SPATA6: variants seen among roughly 807,000 people sequenced by gnomAD.
SPATA6 encodes spermatogenesis associated 6.
In SPATA6, 56 loss-of-function variants were observed where a neutral mutation model predicts 65.3. The observed-to-expected ratio is 0.86, with a 90% confidence interval of 0.69 to 1.07. The LOEUF (loss-of-function observed/expected upper bound fraction) is 1.07, where lower values mean the gene tolerates loss of function less well. Ranked by LOEUF, SPATA6 falls within the 50% of genes least tolerant of loss-of-function variation. SPATA6 has a pLI of 0.00. For missense variants in SPATA6, 590 were observed against 594.8 expected, an observed-to-expected ratio of 0.99 and a Z score of 0.08; for synonymous variants, 199 against 213.2, an observed-to-expected ratio of 0.93 and a Z score of 0.58.
Position 48,354,023 on chromosome 1 carries a change from C to T in SPATA6, c.1194+1647G>A, listed in dbSNP as rs370404814. Among the ~76,000 whole-genome samples, 5 of 151,892 alleles carry T rather than the reference C, an allele frequency of 3.3e-5. 1 individual carries two copies. Among genetic ancestry groups the T allele is most frequent in the African/African-American group, 1.2e-4 (5 of 41,462 alleles). ...TGAAGAATCTACAAAGAAATCTTAC[C>T]TAAAAATGAAAGATAGACAATCCAG... On this transcript the variant is annotated intron_variant, in intron 11 of 12. Coordinates refer to ENST00000371847, the MANE Select transcript of SPATA6 (RefSeq NM_019073.4).
At chr1:48,359,523 G>A in intron 10 of SPATA6, 63 bp downstream of exon 10, 1 of 1,508,906 alleles carries the variant, frequency 6.6e-7, no homozygotes, top group Non-Finnish European at 9.0e-7. Context: ...CATAATTGCT[G>A]CTTCCCCTTC....
At chr1:48,408,690 G>A (rs1295909033) in intron 5 of SPATA6, among the ~76,000 whole-genome samples, 1 of 152,180 alleles carries the variant, frequency 6.6e-6, no homozygotes, top group Non-Finnish European at 1.5e-5. Context: ...GAGGTTTACT[G>A]GACTTACACT....
intron 5 of SPATA6, among the ~76,000 whole-genome samples, chr1:48,409,348 G>A (rs575899687): frequency 6.6e-6 from 1 of 152,218 alleles, no homozygotes; most frequent in Non-Finnish European, 1.5e-5. Context: ...CCATGGTCTT[G>A]GGCAGCTCCG....
chr1:48,268,948 C>A, the SPATA6 span, among the ~76,000 whole-genome samples: 1 of 152,090 alleles, frequency 6.6e-6, no homozygotes, highest in East Asian at 1.9e-4. Context: ...TTCATAGTAA[C>A]CATCCTAGGT....
chr1:48,293,560 G>A (rs1458772451), downstream of SPATA6, among the ~76,000 whole-genome samples: 1 of 152,048 alleles, frequency 6.6e-6, no homozygotes, highest in East Asian at 1.9e-4. Context: ...TATCTTATAT[G>A]TTTTTCCCCT....
At chr1:48,283,455 C>T in the SPATA6 span, among the ~76,000 whole-genome samples, 3 of 151,042 alleles carry the variant, frequency 2.0e-5, no homozygotes, top group Admixed American at 2.0e-4. Flanking sequence ...CCAAGGCAGG[C>T]AGATCATGAG....
chr1:48,372,537 A>G (rs1325232591), intron 9 of SPATA6, among the ~76,000 whole-genome samples: 1 of 152,170 alleles, frequency 6.6e-6, no homozygotes, highest in Non-Finnish European at 1.5e-5. Context: ...TTGCAGGCGC[A>G]TGGTGCAAGC....
At chr1:48,318,122 G>C (rs1645493428) in intron 11 of SPATA6, among the ~76,000 whole-genome samples, 1 of 152,168 alleles carries the variant, frequency 6.6e-6, no homozygotes, top group Admixed American at 6.6e-5. Flanking sequence ...ACTAGGAGTA[G>C]AAGGAAATTC....
chr1:48,385,765 A>T (rs1431712397), intron 8 of SPATA6, among the ~76,000 whole-genome samples: 1 of 152,190 alleles, frequency 6.6e-6, no homozygotes, highest in East Asian at 1.9e-4. Flanking sequence ...GTAAAGAAAC[A>T]GGACCAGCTT....
intron 3 of SPATA6, among the ~76,000 whole-genome samples, chr1:48,425,655 T>C (rs1653770030): frequency 6.6e-6 from 1 of 152,196 alleles, no homozygotes; most frequent in Admixed American, 6.5e-5. Context: ...AAGTTCCACA[T>C]GCCTACATGT....
At chr1:48,462,225 A>G (rs998098403) in intron 1 of SPATA6, among the ~76,000 whole-genome samples, 2 of 152,164 alleles carry the variant, frequency 1.3e-5, no homozygotes, top group Non-Finnish European at 2.9e-5. Context: ...GGATAGCATT[A>G]GGAGACATAC....
chr1:48,437,570 G>C (rs1047375444), intron 3 of SPATA6, among the ~76,000 whole-genome samples: 11 of 152,118 alleles, frequency 7.2e-5, no homozygotes, highest in African/African-American at 2.7e-4. Context: ...GCCCTCAGAG[G>C]ACAGTGCTTC....
intron 9 of SPATA6, among the ~76,000 whole-genome samples, chr1:48,360,531 G>A (rs1454347671): frequency 6.7e-6 from 1 of 148,768 alleles, no homozygotes; most frequent in East Asian, 2.0e-4. Context: ...AAAAATAAAT[G>A]CAAAGATCTT....
At chr1:48,455,889 C>T (rs1656965949) in intron 1 of SPATA6, among the ~76,000 whole-genome samples, 3 of 151,958 alleles carry the variant, frequency 2.0e-5, no homozygotes, top group Admixed American at 6.6e-5. Flanking sequence ...CTTAAAAAAA[C>T]ACCCAGCAGC....
downstream of SPATA6, among the ~76,000 whole-genome samples, chr1:48,291,899 CTTCT>C (rs531002018): frequency 2.9e-3 from 441 of 152,272 alleles, 1 homozygote; most frequent in African/African-American, 9.3e-3. Context: ...TCCCCCATTG[CTTCT>C]TTATGTTTAT....
intron 1 of SPATA6, among the ~76,000 whole-genome samples, chr1:48,470,291 C>G (rs1239925096): frequency 6.6e-6 from 1 of 152,090 alleles, no homozygotes; most frequent in African/African-American, 2.4e-5. Context: ...GGCAGCTGCG[C>G]TCACCAGACT....
At position 48,367,228 on chromosome 1, in the gene SPATA6, T is replaced by C. The variant is rs144372354; in HGVS notation, c.910-7458A>G. Among the ~76,000 whole-genome samples, 866 of 152,318 alleles carry C rather than the reference T, an allele frequency of 5.7e-3. 21 individuals are homozygous for C. In the East Asian group the frequency reaches 0.06, roughly 11 times the overall value. On this transcript the variant is annotated intron_variant, in intron 9 of 12. Coordinates refer to ENST00000371847, the MANE Select transcript of SPATA6 (RefSeq NM_019073.4). Reference sequence around the variant, plus strand: ...GCTTTACTTCCAACTATGTGGTCACTTTCGGAATAAGTGTGGTGTGGTGCT... The same window carrying C: ...GCTTTACTTCCAACTATGTGGTCACCTTCGGAATAAGTGTGGTGTGGTGCT...
rs1206365643 is a variant in SPATA6, at chr1:48,399,627, A to G, written c.504T>C (p.His168=). The change falls in exon 7 of 13, where the codon CAT becomes CAC. Residue 168 remains histidine, a synonymous_variant. Transcript: ENST00000371847. ...KCHTQDKFIY[H]LAPVEKSHGR... Reference sequence around the variant, plus strand: ...CATGTGATTTTTCAACTGGAGCCAAATGGTAAATAAATTTATCCTAAACAT... The same window carrying G: ...CATGTGATTTTTCAACTGGAGCCAAGTGGTAAATAAATTTATCCTAAACAT... The G allele has an allele frequency of 1.3e-6, 2 of 1,596,160 alleles. No individual in the cohort carries two copies. Among genetic ancestry groups the G allele is most frequent in the Non-Finnish European group, 1.7e-6 (2 of 1,171,618 alleles).
intron 12 of SPATA6, among the ~76,000 whole-genome samples, chr1:48,302,665 A>C (rs1266026229): frequency 6.6e-6 from 1 of 152,154 alleles, no homozygotes; most frequent in African/African-American, 2.4e-5. Flanking sequence ...TGCCTTCACA[A>C]GGCTTCACAT....
Sources: gnomAD v4.1 joint callset for allele counts (sites outside exome capture counted in the v4.1 genomes callset) on GRCh38, gnomAD v4.1.1 for gene constraint, MANE v1.5 for transcripts, NCBI Gene and HGNC (gene_info 2026-07-23, HGNC 2026-07-21) for gene names.